LPP: variants seen among roughly 807,000 people sequenced by gnomAD.
LPP encodes lipoma-preferred partner.
LPP carries 38 observed loss-of-function variants against 60.4 expected under a neutral mutation model. The observed-to-expected ratio is 0.63, with a 90% CI of 0.49 to 0.83. LPP has a LOEUF of 0.83. Ranked by LOEUF, LPP falls within the 40% of genes least tolerant of loss-of-function variation. The pLI, the probability that LPP is intolerant of heterozygous loss-of-function variation, is 0.00. For missense variants in LPP, 902 were observed against 783.6 expected (o/e 1.15, Z -1.80); for synonymous variants, 328 against 290.8 (o/e 1.13, Z -1.30).
intron 3 of LPP, among the ~76,000 whole-genome samples, chr3:188,401,893 G>A (rs1324656307): frequency 6.6e-6 from 1 of 152,138 alleles, no homozygotes; most frequent in Non-Finnish European, 1.5e-5. Context: ...TCAAGGACTA[G>A]TAGAAAGTAA....
intron 7 of LPP, among the ~76,000 whole-genome samples, chr3:188,641,174 G>A (rs950010587): frequency 6.6e-6 from 1 of 152,190 alleles, no homozygotes; most frequent in Non-Finnish European, 1.5e-5. Context: ...AAGTAAAGAG[G>A]ATAAAGGAAG....
chr3:188,291,711 A>T (rs1391889995), intron 2 of LPP, among the ~76,000 whole-genome samples: 1 of 151,324 alleles, frequency 6.6e-6, no homozygotes, highest in Non-Finnish European at 1.5e-5. Flanking sequence ...GGGGGCTTGT[A>T]GCTTTCAAAA....
chr3:188,661,861 A>G (rs544745078), intron 7 of LPP, among the ~76,000 whole-genome samples: 1 of 152,280 alleles, frequency 6.6e-6, no homozygotes, highest in Non-Finnish European at 1.5e-5. Context: ...CTCCTAACTC[A>G]TTTTTCTTTC....
intron 5 of LPP, among the ~76,000 whole-genome samples, chr3:188,501,871 C>T (rs576130518): frequency 1.5e-4 from 22 of 151,578 alleles, no homozygotes; most frequent in Admixed American, 9.2e-4. Context: ...GAGCTGAGGT[C>T]GTGCCATTGC....
At chr3:188,846,003 C>T (rs983633651) in intron 9 of LPP, among the ~76,000 whole-genome samples, 1 of 152,240 alleles carries the variant, frequency 6.6e-6, no homozygotes, top group African/African-American at 2.4e-5. Context: ...TTAATCTCGA[C>T]AAAATCAATT....
chr3:188,208,378 A>G (rs992301307), intron 1 of LPP: 1 of 152,262 alleles, frequency 6.6e-6, no homozygotes, highest in Non-Finnish European at 1.5e-5. Context: ...GGATGCTAGA[A>G]TTCCAGGGTA....
In LPP at chr3:188,182,757, CATATATTAT is replaced by C. The variant is rs1308094656; in HGVS notation, c.-190+28510_-190+28518del. On this transcript the variant is annotated intron_variant, in intron 1 of 11. Transcript: ENST00000617246. The surrounding 1 kb of genome is among the most constrained non-coding windows in gnomAD (Gnocchi z 4.4). ...CACATAATATATATACATATATGTACATATATTATATATGTGCATATATAATATATGTAC... is the reference window on the plus strand; with the variant it reads ...CACATAATATATATACATATATGTACATATGTGCATATATAATATATGTAC... Among the ~76,000 whole-genome samples the C allele has an allele frequency of 1.1e-4, 16 of 149,286 alleles. No homozygotes were observed. Among genetic ancestry groups the C allele is most frequent in the Non-Finnish European group, 2.1e-4 (14 of 67,564 alleles).
chr3:188,687,340 A>G lies in LPP; in HGVS notation c.1114-20927A>G, dbSNP rs539849403. Among the ~76,000 whole-genome samples the G allele has an allele frequency of 5.3e-5, 8 of 152,264 alleles. No individual in the cohort carries two copies. In the East Asian group the frequency reaches 1.5e-3, roughly 29 times the overall value. ...GTGTCCCCCACTTTCTTACTAGCTGATATGGTTTGGCTTTGTCCCTACCCA... is the reference window on the plus strand; with the variant it reads ...GTGTCCCCCACTTTCTTACTAGCTGGTATGGTTTGGCTTTGTCCCTACCCA... On this transcript the variant is annotated intron_variant, in intron 7 of 11. Coordinates refer to ENST00000617246, the MANE Select transcript of LPP (RefSeq NM_001375462.1).
chr3:188,390,184 A>G (rs1170768680), intron 3 of LPP, among the ~76,000 whole-genome samples: 3 of 151,826 alleles, frequency 2.0e-5, no homozygotes, highest in East Asian at 1.9e-4. Flanking sequence ...CAATCTTTCC[A>G]TTGTTGTGTG....
intron 5 of LPP, among the ~76,000 whole-genome samples, chr3:188,512,988 A>T (rs533170022): frequency 1.3e-5 from 2 of 152,310 alleles, no homozygotes; most frequent in South Asian, 4.1e-4. Context: ...GCACATCTCC[A>T]GCCCCCTCAC....
At chr3:188,212,958 A>G (rs1425447031) in intron 1 of LPP, 1 of 152,256 alleles carries the variant, frequency 6.6e-6, no homozygotes, top group Non-Finnish European at 1.5e-5. Context: ...GGGTGTGGAC[A>G]GCTGCTTTCC....
At chr3:188,387,292 G>A (rs1360363323) in intron 3 of LPP, among the ~76,000 whole-genome samples, 1 of 151,998 alleles carries the variant, frequency 6.6e-6, no homozygotes, top group Non-Finnish European at 1.5e-5. Context: ...TCATATTTAT[G>A]TATTCCTTTC....
At chr3:188,320,776 T>C (rs966464775) in intron 2 of LPP, among the ~76,000 whole-genome samples, 2 of 152,308 alleles carry the variant, frequency 1.3e-5, no homozygotes, top group Admixed American at 6.5e-5. Context: ...ACTTACTGAA[T>C]GTTTTACCTT....
intron 6 of LPP, among the ~76,000 whole-genome samples, chr3:188,580,803 T>A (rs577831121): frequency 1.4e-4 from 22 of 152,270 alleles, no homozygotes; most frequent in African/African-American, 5.3e-4. Flanking sequence ...GCTTGCATGA[T>A]TTTGTGGGCT....
chr3:188,203,504 T>TATATATATTTAAATATATATAA (rs1265676406), intron 1 of LPP, among the ~76,000 whole-genome samples: 2 of 73,014 alleles, frequency 2.7e-5, no homozygotes, highest in Non-Finnish European at 2.5e-5. Context: ...TATATATAAA[T>TATATATATTTAAATATATATAA]ATATATATTT....
intron 9 of LPP, among the ~76,000 whole-genome samples, chr3:188,796,391 T>C (rs1363873806): frequency 6.6e-6 from 1 of 152,180 alleles, no homozygotes; most frequent in Non-Finnish European, 1.5e-5. Flanking sequence ...TTTGGCCTTT[T>C]TCCCAAAAGT....
intron 1 of LPP, among the ~76,000 whole-genome samples, chr3:188,222,785 G>A (rs1370546675): frequency 6.6e-6 from 1 of 152,058 alleles, no homozygotes; most frequent in African/African-American, 2.4e-5. Flanking sequence ...CTCATAAAGT[G>A]TCTTGTTTTG....
intron 3 of LPP, among the ~76,000 whole-genome samples, chr3:188,375,905 T>C (rs2151132962): frequency 6.6e-6 from 1 of 152,350 alleles, no homozygotes; most frequent in South Asian, 2.1e-4. Flanking sequence ...GTATGTTGTG[T>C]CTTTGTTCTC....
intron 2 of LPP, among the ~76,000 whole-genome samples, chr3:188,333,340 C>G (rs886367111): frequency 1.7e-4 from 26 of 152,118 alleles, no homozygotes; most frequent in Admixed American, 1.5e-3. Context: ...ATCACAAGAC[C>G]AGATCTGCCG....
Sources: gnomAD v4.1 joint callset for allele counts (sites outside exome capture counted in the v4.1 genomes callset) on GRCh38, gnomAD v4.1.1 for gene constraint, Gnocchi (gnomAD v3.1) non-coding constraint, MANE v1.5 for transcripts, NCBI Gene and HGNC (gene_info 2026-07-23, HGNC 2026-07-21) for gene names.